ZSWIM6: variants seen among roughly 807,000 people sequenced by gnomAD.
ZSWIM6 encodes the protein zinc finger SWIM-type containing 6, also known as zinc finger SWIM domain-containing protein 6.
A neutral mutation model predicts 113.2 loss-of-function variants in ZSWIM6; 9 were observed. That is an observed-to-expected ratio of 0.08 (90% confidence interval 0.05 to 0.14). ZSWIM6 has a LOEUF of 0.14. Ranked by LOEUF, ZSWIM6 falls within the 10% of genes least tolerant of loss-of-function variation. The pLI is 1.00. For synonymous variants in ZSWIM6, 611 were observed against 606.5 expected (o/e 1.01, Z -0.11); for missense variants, 1,162 against 1,552.2 (o/e 0.75, Z 4.22).
chr5:61,502,984 G>A (rs1238948334), intron 4 of ZSWIM6, among the ~76,000 whole-genome samples: 2 of 152,136 alleles, frequency 1.3e-5, no homozygotes, highest in Non-Finnish European at 2.9e-5. Context: ...GTTGGGGACT[G>A]CTGTACTAAA....
intron 2 of ZSWIM6, among the ~76,000 whole-genome samples, chr5:61,483,284 T>C (rs1747926188): frequency 6.6e-6 from 1 of 152,144 alleles, no homozygotes; most frequent in Non-Finnish European, 1.5e-5. Flanking sequence ...ATTAATCCAT[T>C]AATACATTAA....
At chr5:61,377,623 A>G (rs1745398669) in intron 1 of ZSWIM6, among the ~76,000 whole-genome samples, 1 of 151,894 alleles carries the variant, frequency 6.6e-6, no homozygotes, top group African/African-American at 2.4e-5. Context: ...AGACTGAGGC[A>G]GGAGAATCTC....
At chr5:61,356,634 T>C (rs548094757) in intron 1 of ZSWIM6, among the ~76,000 whole-genome samples, 1 of 145,580 alleles carries the variant, frequency 6.9e-6, no homozygotes, top group African/African-American at 2.5e-5. Context: ...GCTTTTATAG[T>C]AATAAGCTGT....
At chr5:61,398,276 T>C (rs567073085) in intron 1 of ZSWIM6, among the ~76,000 whole-genome samples, 1 of 152,194 alleles carries the variant, frequency 6.6e-6, no homozygotes, top group East Asian at 1.9e-4. Flanking sequence ...CTGATTCTTA[T>C]AGGAGGGTGA....
chr5:61,505,128 G>A (rs1748567416), intron 4 of ZSWIM6, among the ~76,000 whole-genome samples: 1 of 152,280 alleles, frequency 6.6e-6, no homozygotes. Flanking sequence ...ACTATTGGAT[G>A]AGCCATGAAA....
intron 12 of ZSWIM6, among the ~76,000 whole-genome samples, chr5:61,540,992 G>A (rs1318912677): frequency 6.8e-6 from 1 of 146,434 alleles, no homozygotes; most frequent in African/African-American, 2.6e-5. Context: ...CACCCAGGCT[G>A]GAGTGCAGGG....
intron 1 of ZSWIM6, among the ~76,000 whole-genome samples, chr5:61,443,103 C>T (rs780746471): frequency 1.3e-5 from 2 of 152,154 alleles, no homozygotes; most frequent in Non-Finnish European, 2.9e-5. Flanking sequence ...CCAAAGTTAT[C>T]AGAAACCTGT....
chr5:61,357,081 A>G (rs1274617488), intron 1 of ZSWIM6, among the ~76,000 whole-genome samples: 1 of 152,058 alleles, frequency 6.6e-6, no homozygotes, highest in Non-Finnish European at 1.5e-5. Context: ...TCACATAGAC[A>G]TACTGACTGG....
At chr5:61,348,996 GT>G (rs200303828) in intron 1 of ZSWIM6, among the ~76,000 whole-genome samples, 2 of 151,992 alleles carry the variant, frequency 1.3e-5, no homozygotes, top group Middle Eastern at 3.4e-3. Context: ...ATGAGGGACA[GT>G]TTTTTTTAAT....
chr5:61,392,082 A>G (rs1275453981), intron 1 of ZSWIM6, among the ~76,000 whole-genome samples: 3 of 152,214 alleles, frequency 2.0e-5, no homozygotes, highest in African/African-American at 4.8e-5. Flanking sequence ...TAGAACTAAG[A>G]AAACTGTGAC....
intron 1 of ZSWIM6, among the ~76,000 whole-genome samples, chr5:61,452,545 A>G (rs1747106659): frequency 6.6e-6 from 1 of 152,168 alleles, no homozygotes; most frequent in African/African-American, 2.4e-5. Flanking sequence ...CCTTTTTGCC[A>G]CAACTAAGTA....
chr5:61,356,570 G>T (rs938962595), intron 1 of ZSWIM6, among the ~76,000 whole-genome samples: 1 of 149,486 alleles, frequency 6.7e-6, no homozygotes, highest in Non-Finnish European at 1.5e-5. Context: ...TCATTCCTTT[G>T]GACTTGGCTG....
intron 4 of ZSWIM6, among the ~76,000 whole-genome samples, chr5:61,496,858 A>C (rs908273670): frequency 1.3e-5 from 2 of 152,176 alleles, no homozygotes; most frequent in Non-Finnish European, 2.9e-5. Context: ...AAATTAAATG[A>C]AAAAAATGCC....
chr5:61,533,816 A>C (rs1202636595), intron 9 of ZSWIM6, among the ~76,000 whole-genome samples: 3 of 152,224 alleles, frequency 2.0e-5, no homozygotes, highest in African/African-American at 4.8e-5. Context: ...GTGTGGCTTA[A>C]ACAACAGAAA....
chr5:61,513,856 T>A (rs1748859744), intron 4 of ZSWIM6, among the ~76,000 whole-genome samples: 1 of 152,126 alleles, frequency 6.6e-6, no homozygotes, highest in Admixed American at 6.6e-5. Flanking sequence ...TTTTGATTAC[T>A]GTTGCTTTAT....
At chr5:61,370,698 G>C (rs1745245884) in intron 1 of ZSWIM6, among the ~76,000 whole-genome samples, 1 of 152,222 alleles carries the variant, frequency 6.6e-6, no homozygotes, top group East Asian at 1.9e-4. Flanking sequence ...AAGAGGAAAT[G>C]GTGGGCCAAA....
chr5:61,353,596 G>A (rs1744834900), intron 1 of ZSWIM6, among the ~76,000 whole-genome samples: 1 of 152,182 alleles, frequency 6.6e-6, no homozygotes, highest in Non-Finnish European at 1.5e-5. Flanking sequence ...ACTTCTGAAT[G>A]TATTATGTTT....
At chr5:61,454,379 C>G (rs1747155347) in intron 1 of ZSWIM6, among the ~76,000 whole-genome samples, 1 of 151,818 alleles carries the variant, frequency 6.6e-6, no homozygotes, top group Non-Finnish European at 1.5e-5. Flanking sequence ...CTTCAGCCTC[C>G]TAAGTAGCTG....
At chr5:61,426,713 C>G (rs1237064454) in intron 1 of ZSWIM6, among the ~76,000 whole-genome samples, 1 of 151,786 alleles carries the variant, frequency 6.6e-6, no homozygotes, top group East Asian at 1.9e-4. Flanking sequence ...TGCAGACTTT[C>G]TTTATCTTTT....
Sources: allele counts gnomAD v4.1 joint callset (sites outside exome capture counted in the v4.1 genomes callset), GRCh38; gene constraint gnomAD v4.1.1; transcripts MANE v1.5; gene names NCBI Gene and HGNC (gene_info 2026-07-23, HGNC 2026-07-21).